The following KANK1 variants were observed in gnomAD, a reference collection of about 807,000 sequenced individuals.
KANK1 encodes the protein KN motif and ankyrin repeat domains 1.
Under a neutral mutation model 106.2 loss-of-function variants are expected in KANK1, and 109 were observed. That is an observed-to-expected ratio of 1.03 (90% CI 0.88 to 1.20). KANK1 has a LOEUF of 1.20. KANK1 is among the 50% of genes most tolerant of loss of function. The pLI is 0.00. For synonymous variants in KANK1, 873 were observed against 652.2 expected (o/e 1.34, Z -5.16); for missense variants, 2,399 against 1,710.7 (o/e 1.40, Z -7.10).
chr9:732,782 A>G, intron 6 of KANK1, 165 bp downstream of exon 6: 2 of 669,604 alleles, frequency 3.0e-6, no homozygotes, highest in Non-Finnish European at 2.5e-6. Context: ...GAGTATTACA[A>G]CTCTTAGATC....
intron 1 of KANK1, among the ~76,000 whole-genome samples, chr9:583,489 G>T (rs938332639): frequency 6.6e-6 from 1 of 151,912 alleles, no homozygotes; most frequent in South Asian, 2.1e-4. Context: ...AATAAAATAC[G>T]CTGGGGAAAC....
At chr9:581,498 A>G (rs910402236) in intron 1 of KANK1, among the ~76,000 whole-genome samples, 15 of 131,914 alleles carry the variant, frequency 1.1e-4, no homozygotes, top group Non-Finnish European at 2.4e-4. Flanking sequence ...AAGAAAATAC[A>G]TAGGTTACTA....
At chr9:742,498 C>A in intron 10 of KANK1, 93 bp downstream of exon 10, 1 of 847,586 alleles carries the variant, frequency 1.2e-6, no homozygotes, top group Non-Finnish European at 1.8e-6. Context: ...CGACCAAATC[C>A]TCCTCTATTC....
chr9:498,452 C>T (rs1203276418), intron 3 of KANK1, among the ~76,000 whole-genome samples: 2 of 152,154 alleles, frequency 1.3e-5, no homozygotes, highest in Non-Finnish European at 2.9e-5. Context: ...AGGTTCTAAA[C>T]ATGGGCATGC....
chr9:553,452 A>C lies in KANK1; in HGVS notation c.-84+48698A>C, dbSNP rs139204638. On this transcript the variant is annotated intron_variant, in intron 1 of 11. Transcript: ENST00000382297. ...GAGGCTTAAAGTGGCTGAGTTTTCT[A>C]AGAGCACGCAGGTGGAAAGTGATCA... Among the ~76,000 whole-genome samples the C allele has an allele frequency of 2.2e-3, 330 of 152,238 alleles. 2 individuals are homozygous for C. Among genetic ancestry groups the C allele is most frequent in the African/African-American group, 7.4e-3 (308 of 41,552 alleles).
chr9:647,362 G>C (rs535813456), intron 1 of KANK1, among the ~76,000 whole-genome samples: 1 of 150,716 alleles, frequency 6.6e-6, no homozygotes, highest in East Asian at 1.9e-4. Flanking sequence ...TGACTATACT[G>C]TGTTGTAGTT....
chr9:540,033 C>G (rs1302341148), intron 1 of KANK1, among the ~76,000 whole-genome samples: 1 of 152,112 alleles, frequency 6.6e-6, no homozygotes, highest in Non-Finnish European at 1.5e-5. Flanking sequence ...TTTTATTTTT[C>G]TTGCCTAATA....
intron 1 of KANK1, among the ~76,000 whole-genome samples, chr9:540,881 G>T (rs2060559072): frequency 6.6e-6 from 1 of 152,036 alleles, no homozygotes; most frequent in African/African-American, 2.4e-5. Flanking sequence ...CATCTTTCAT[G>T]TATAATTTTG....
chr9:725,893 G>A (rs72693445), intron 3 of KANK1, among the ~76,000 whole-genome samples: 11,416 of 152,086 alleles, frequency 0.075, 992 homozygotes, highest in African/African-American at 0.2. Context: ...ATAAAGTTGT[G>A]ATCACCTGAC....
intron 1 of KANK1, among the ~76,000 whole-genome samples, chr9:560,200 CT>C (rs1487511585): frequency 1.3e-5 from 2 of 152,110 alleles, no homozygotes; most frequent in Non-Finnish European, 2.9e-5. Context: ...AAATCAGATA[CT>C]TATTGGAGAG....
intron 2 of KANK1, chr9:693,835 T>TG: frequency 5.1e-6 from 5 of 983,178 alleles, no homozygotes; most frequent in Non-Finnish European, 6.0e-6. Context: ...GCATGATGTT[T>TG]GGGTGGGGGT....
At chr9:733,255 G>A (rs1260060728) in intron 6 of KANK1, 1 of 152,158 alleles carries the variant, frequency 6.6e-6, no homozygotes, top group Non-Finnish European at 1.5e-5. Flanking sequence ...GAGTAGAAAA[G>A]GTGGAAACTT....
intron 1 of KANK1, among the ~76,000 whole-genome samples, chr9:623,118 G>A (rs1007195586): frequency 6.6e-6 from 1 of 151,978 alleles, no homozygotes; most frequent in Non-Finnish European, 1.5e-5. Context: ...AAATGAAAAG[G>A]TAACATACAG....
At chr9:484,622 A>AG (rs1353893986) in intron 3 of KANK1, 1 of 152,236 alleles carries the variant, frequency 6.6e-6, no homozygotes, top group Non-Finnish European at 1.5e-5. Context: ...GAGAGAGATA[A>AG]GGAGAGGCAA....
intron 1 of KANK1, among the ~76,000 whole-genome samples, chr9:547,876 T>C (rs1026999439): frequency 6.6e-6 from 1 of 152,248 alleles, no homozygotes; most frequent in South Asian, 2.1e-4. Context: ...AGGATGTTGA[T>C]GTTAAACTTT....
chr9:478,079 T>TA (rs2058136992), intron 3 of KANK1: 1 of 213,028 alleles, frequency 4.7e-6, no homozygotes, highest in African/African-American at 2.3e-5. Context: ...GAGGTGGTAC[T>TA]TTCTGCCTCT....
intron 3 of KANK1, among the ~76,000 whole-genome samples, chr9:479,307 G>A (rs1445234299): frequency 6.6e-6 from 1 of 152,162 alleles, no homozygotes. Context: ...AAGAAAATGG[G>A]TATTTAATGG....
chr9:585,942 CATT>C (rs949003909), intron 1 of KANK1, among the ~76,000 whole-genome samples: 8 of 152,224 alleles, frequency 5.3e-5, no homozygotes, highest in African/African-American at 7.2e-5. Flanking sequence ...AAGAGAAAAT[CATT>C]ATCACTAGGG....
At chr9:706,568 C>CT (rs71314729) in intron 2 of KANK1, among the ~76,000 whole-genome samples, 2,191 of 138,044 alleles carry the variant, frequency 0.016, 44 homozygotes, top group African/African-American at 0.041. Flanking sequence ...CTGTATGTGG[C>CT]TTTTTTTTTT....
Sources: allele counts gnomAD v4.1 joint callset (sites outside exome capture counted in the v4.1 genomes callset), GRCh38; gene constraint gnomAD v4.1.1; transcripts MANE v1.5; gene names NCBI Gene and HGNC (gene_info 2026-07-23, HGNC 2026-07-21).